Variants in LGR4 observed in about 807,000 individuals in gnomAD.
The protein encoded by LGR4 is leucine rich repeat containing G protein-coupled receptor 4.
LGR4 carries 44 observed loss-of-function variants against 84.8 expected under a neutral mutation model. That is an observed-to-expected ratio of 0.52 (90% CI 0.41 to 0.67). LGR4 has a LOEUF of 0.67. Ranked by LOEUF, LGR4 falls within the 30% of genes least tolerant of loss-of-function variation. The pLI is 0.00. For synonymous variants in LGR4, 429 were observed against 434.3 expected, an observed-to-expected ratio of 0.99 and a Z score of 0.15; for missense variants, 1,032 against 1,131.4, an observed-to-expected ratio of 0.91 and a Z score of 1.26.
chr11:27,385,448 A>G lies in LGR4; in HGVS notation c.422T>C (p.Ile141Thr). The G allele has an allele frequency of 6.2e-7, 1 of 1,605,634 alleles. No individual in the cohort carries two copies. Among genetic ancestry groups the G allele is most frequent in the Non-Finnish European group, 8.5e-7 (1 of 1,176,292 alleles). ...AAAACTGTCCTCGGGGACTGAGGTA[A>G]TATGGTTGGCATCTAAACGCCTAAC... Reference protein sequence around the residue: ...LQSLRLDANHITSVPEDSFEG... With the variant: ...LQSLRLDANHTTSVPEDSFEG... The change falls in exon 5 of 18, where the codon ATT becomes ACT. Residue 141 changes from isoleucine to threonine, a missense_variant. Coordinates refer to ENST00000379214, the MANE Select transcript of LGR4 (RefSeq NM_018490.5).
chr11:27,444,254 G>A (rs1302084460), intron 1 of LGR4, among the ~76,000 whole-genome samples: 4 of 152,180 alleles, frequency 2.6e-5, no homozygotes, highest in Non-Finnish European at 4.4e-5. Flanking sequence ...GAGGGTGAAA[G>A]AGGGACTACT....
At chr11:27,422,416 G>C (rs1477126807) in intron 1 of LGR4, among the ~76,000 whole-genome samples, 1 of 152,160 alleles carries the variant, frequency 6.6e-6, no homozygotes, top group Non-Finnish European at 1.5e-5. Context: ...CCAATTAATA[G>C]ATTGTGAAAT....
chr11:27,397,700 A>C (rs1863416411), intron 2 of LGR4, among the ~76,000 whole-genome samples: 1 of 152,236 alleles, frequency 6.6e-6, no homozygotes, highest in Non-Finnish European at 1.5e-5. Context: ...TATTTTCTTA[A>C]GGAAAGGTGG....
At chr11:27,436,286 G>C (rs998477037) in intron 1 of LGR4, among the ~76,000 whole-genome samples, 4 of 150,136 alleles carry the variant, frequency 2.7e-5, no homozygotes, top group African/African-American at 9.8e-5. Context: ...TCAAAATCCT[G>C]TCTCCCGAAT....
chr11:27,432,957 C>T (rs535885177), intron 1 of LGR4, among the ~76,000 whole-genome samples: 3 of 152,120 alleles, frequency 2.0e-5, no homozygotes, highest in Non-Finnish European at 4.4e-5. Flanking sequence ...ATGAGACAAG[C>T]AGAGCTACTG....
chr11:27,381,140 T>A (rs1863085116), intron 7 of LGR4, among the ~76,000 whole-genome samples, 174 bp from the exon 8 acceptor site: 1 of 152,208 alleles, frequency 6.6e-6, no homozygotes, highest in Non-Finnish European at 1.5e-5. Flanking sequence ...TTCAGTATCA[T>A]ACCTAATTCT....
intron 1 of LGR4, among the ~76,000 whole-genome samples, chr11:27,458,478 T>C (rs1864615094): frequency 2.0e-5 from 3 of 152,152 alleles, no homozygotes; most frequent in African/African-American, 4.8e-5. Flanking sequence ...ACTTTTAAAA[T>C]TGAGGAGCTT....
At chr11:27,453,291 A>T (rs1864517800) in intron 1 of LGR4, among the ~76,000 whole-genome samples, 1 of 151,910 alleles carries the variant, frequency 6.6e-6, no homozygotes. Context: ...CTGGTCTCGA[A>T]CTCCCAACCT....
At chr11:27,453,663 C>CA (rs1864523694) in intron 1 of LGR4, among the ~76,000 whole-genome samples, 1 of 152,140 alleles carries the variant, frequency 6.6e-6, no homozygotes, top group Non-Finnish European at 1.5e-5. Flanking sequence ...TCCCCAGCAC[C>CA]AAAAACAGTC....
intron 1 of LGR4, among the ~76,000 whole-genome samples, chr11:27,463,941 G>A (rs1864730939): frequency 1.3e-5 from 2 of 152,216 alleles, no homozygotes; most frequent in African/African-American, 4.8e-5. Context: ...AAGGGCAACT[G>A]AAGAGCAATT....
At chr11:27,433,052 T>C (rs576088039) in intron 1 of LGR4, among the ~76,000 whole-genome samples, 29 of 152,368 alleles carry the variant, frequency 1.9e-4, no homozygotes, top group African/African-American at 6.7e-4. Context: ...TAGGCTTTCT[T>C]TGCTCCATTT....
At chr11:27,427,797 C>T (rs1864048759) in intron 1 of LGR4, among the ~76,000 whole-genome samples, 3 of 152,164 alleles carry the variant, frequency 2.0e-5, no homozygotes, top group South Asian at 4.1e-4. Flanking sequence ...GAAGTTACAC[C>T]GAATTCCCTT....
Position 27,368,788 on chromosome 11 carries a change from T to A in LGR4, c.1935A>T (p.Leu645Phe), listed in dbSNP as rs1422036096. 1.2e-6 allele frequency: 2 copies of A among 1,614,052 alleles called. No individual in the cohort carries two copies. The highest frequency in any genetic ancestry group is 2.7e-5 in the African/African-American group (2 of 74,942). Residue 645 changes from leucine to phenylalanine, a missense_variant, in exon 18 of 18, where the codon TTA (leucine) becomes TTT (phenylalanine). Transcript: ENST00000379214. The part of the protein sequence containing the change: ...LLMLATVERS[L>F]SAKDIMKNGK... ...CATTTTTCATTATATCTTTTGCAGA[T>A]AAGCTTCTTTCGACAGTTGCTAGCA...
rs1040635369 is a variant in LGR4 at position 27,378,878 on chromosome 11, T to C, written c.972-110A>G. ...ATATTTACATATGGACTAGATTCTATACATCCCATGGCCTAATTATTCCAT... is the reference window on the plus strand; with the variant it reads ...ATATTTACATATGGACTAGATTCTACACATCCCATGGCCTAATTATTCCAT... On this transcript the variant is annotated intron_variant, in intron 10 of 17. Coordinates refer to ENST00000379214, the MANE Select transcript of LGR4 (RefSeq NM_018490.5). 1.9e-5 allele frequency: 14 copies of C among 719,780 alleles called. No individual in the cohort carries two copies. In the East Asian group the frequency reaches 2.3e-4, roughly 12 times the overall value. The allele number at this position is 719,780 out of a possible 1,614,324, so 44.6% of individuals were successfully genotyped here.
Position 27,367,180 on chromosome 11 carries a change from A to G in LGR4, c.*687T>C, listed in dbSNP as rs1862780634. ...ATCACAAAACACTTAAGAAAAAATT[A>G]CTGATTGGACCAAAGCAATGTATAA... On this transcript the variant is annotated 3_prime_UTR_variant, in exon 18 of 18. Transcript: ENST00000379214. 2 of 152,218 alleles carry G rather than the reference A, an allele frequency of 1.3e-5. No individual in the cohort carries two copies. Among genetic ancestry groups the G allele is most frequent in the Non-Finnish European group, 2.9e-5 (2 of 68,024 alleles). 9.4% of individuals were successfully genotyped at this position (152,218 alleles called of 1,614,324 possible).
At chr11:27,410,895 T>C (rs928692605) in intron 2 of LGR4, among the ~76,000 whole-genome samples, 11 of 152,098 alleles carry the variant, frequency 7.2e-5, no homozygotes, top group African/African-American at 2.7e-4. Flanking sequence ...TTAAAAGTCC[T>C]GGTTGGCAGA....
At chr11:27,400,493 G>A (rs1354632799) in intron 2 of LGR4, among the ~76,000 whole-genome samples, 1 of 151,012 alleles carries the variant, frequency 6.6e-6, no homozygotes, top group Non-Finnish European at 1.5e-5. Flanking sequence ...GTTGTTTTGT[G>A]TTATTTTCTT....
chr11:27,397,477 A>G (rs907102585), intron 2 of LGR4, among the ~76,000 whole-genome samples: 6 of 152,160 alleles, frequency 3.9e-5, no homozygotes, highest in African/African-American at 1.4e-4. Flanking sequence ...GGTATTTGCT[A>G]TAATGTCTCC....
intron 1 of LGR4, among the ~76,000 whole-genome samples, chr11:27,436,829 C>T (rs891704785): frequency 4.6e-5 from 7 of 152,046 alleles, no homozygotes; most frequent in Non-Finnish European, 8.8e-5. Context: ...CCCTACATGT[C>T]TTACGCTTGC....
Sources: allele counts gnomAD v4.1 joint callset (sites outside exome capture counted in the v4.1 genomes callset), GRCh38; gene constraint gnomAD v4.1.1; transcripts MANE v1.5; gene names NCBI Gene and HGNC (gene_info 2026-07-23, HGNC 2026-07-21).